IBTK: variants seen among roughly 807,000 people sequenced by gnomAD.
IBTK encodes the protein BTK-binding protein.
In IBTK, 83 loss-of-function variants were observed where a neutral mutation model predicts 154.9. The ratio of observed to expected loss-of-function variants is 0.54; its 90% confidence interval spans 0.45 to 0.64. IBTK has a LOEUF of 0.64. Among genes scored for constraint, IBTK ranks in the 30% least tolerant of loss-of-function variants. The probability of loss-of-function intolerance (pLI) is 0.00; values close to 1 mark genes in which losing one functional copy is unlikely to be tolerated. For synonymous variants in IBTK, 515 were observed against 536.1 expected (o/e 0.96, Z 0.54); for missense variants, 1,332 against 1,584.6 (o/e 0.84, Z 2.71).
At chr6:82,193,744 C>T (rs1028572660) in intron 23 of IBTK, among the ~76,000 whole-genome samples, 3 of 151,996 alleles carry the variant, frequency 2.0e-5, no homozygotes, top group East Asian at 1.9e-4. Flanking sequence ...TGCAGTGGCG[C>T]GATCTGGGCT....
chr6:82,180,098 A>C (rs1483843033), intron 26 of IBTK, among the ~76,000 whole-genome samples: 1 of 123,426 alleles, frequency 8.1e-6, no homozygotes, highest in African/African-American at 3.0e-5. Context: ...CAAAGCTCAT[A>C]ATCAATAAAT....
At chr6:82,184,311 C>T (rs1009091809) in intron 25 of IBTK, among the ~76,000 whole-genome samples, 1 of 151,994 alleles carries the variant, frequency 6.6e-6, no homozygotes, top group Non-Finnish European at 1.5e-5. Context: ...GCAAAAGAAG[C>T]CCTGTAATTT....
chr6:82,204,380 T>C (rs1769320729), intron 17 of IBTK, among the ~76,000 whole-genome samples: 3 of 152,102 alleles, frequency 2.0e-5, no homozygotes, highest in Non-Finnish European at 4.4e-5. Flanking sequence ...AGGATAGCCA[T>C]GAAATTAACT....
At chr6:82,245,180 G>A (rs1771097952) in intron 1 of IBTK, among the ~76,000 whole-genome samples, 1 of 152,134 alleles carries the variant, frequency 6.6e-6, no homozygotes, top group African/African-American at 2.4e-5. Context: ...GATAAAACAA[G>A]TGACACATAG....
intron 4 of IBTK, 119 bp downstream of exon 4, chr6:82,231,599 C>A: frequency 1.6e-6 from 1 of 639,880 alleles, no homozygotes; most frequent in Non-Finnish European, 2.5e-6. Flanking sequence ...GATTGATTTC[C>A]TCATTAAAAT....
Position 82,240,112 on chromosome 6 carries a change from TA to T in IBTK, c.321+53del. 4 of 1,463,696 alleles carry T rather than the reference TA, an allele frequency of 2.7e-6. No individual in the cohort carries two copies. The South Asian group carries it at 5.2e-5, about 19-fold the overall frequency. The allele number at this position is 1,463,696 out of a possible 1,614,324, so 90.7% of individuals were successfully genotyped here. A position where few individuals can be genotyped will look rare whatever the true frequency, so the allele number is the denominator to read the frequency against. On this transcript the variant is annotated intron_variant, in intron 2 of 28. Transcript: ENST00000306270. ...AGCATGTAGGATGTATGAAAATGAT[TA>T]AGAAAAACATATTCCAGACTAAATA... is the stretch of plus-strand genomic sequence containing the variant.
chr6:82,199,271 T>C (rs1185567355), intron 21 of IBTK, among the ~76,000 whole-genome samples: 1 of 151,892 alleles, frequency 6.6e-6, no homozygotes, highest in Non-Finnish European at 1.5e-5. Flanking sequence ...GTGTAACACA[T>C]GGAGGAAAGA....
At chr6:82,229,141 T>C (rs1385962216) in intron 4 of IBTK, among the ~76,000 whole-genome samples, 1 of 152,096 alleles carries the variant, frequency 6.6e-6, no homozygotes, top group Non-Finnish European at 1.5e-5. Flanking sequence ...TGACTGAAAT[T>C]TATACTGATT....
chr6:82,195,263 TCTATC>T (rs1237649723), intron 22 of IBTK, among the ~76,000 whole-genome samples: 1 of 151,918 alleles, frequency 6.6e-6, no homozygotes, highest in Non-Finnish European at 1.5e-5. Context: ...CCCCCAAACT[TCTATC>T]CTATATTTTA....
At chr6:82,242,870 G>A (rs888279240) in intron 1 of IBTK, among the ~76,000 whole-genome samples, 2 of 151,796 alleles carry the variant, frequency 1.3e-5, no homozygotes, top group African/African-American at 2.4e-5. Context: ...CCAGGAGGTG[G>A]AGGCTGCAGT....
intron 1 of IBTK, among the ~76,000 whole-genome samples, chr6:82,241,608 A>T (rs536955737): frequency 6.6e-6 from 1 of 152,382 alleles, no homozygotes; most frequent in East Asian, 1.9e-4. Context: ...AAAGCACTGG[A>T]TGAAAATACA....
At chr6:82,202,463 A>G in intron 18 of IBTK, 65 bp downstream of exon 18, 1 of 843,138 alleles carries the variant, frequency 1.2e-6, no homozygotes, top group Non-Finnish European at 2.0e-6. Flanking sequence ...ATCACTAATA[A>G]TATCTGCTAT....
At chr6:82,197,072 C>T (rs947409040) in intron 21 of IBTK, among the ~76,000 whole-genome samples, 1 of 152,172 alleles carries the variant, frequency 6.6e-6, no homozygotes, top group African/African-American at 2.4e-5. Context: ...AAGCTAAATG[C>T]CTGGCCTCAT....
intron 1 of IBTK, among the ~76,000 whole-genome samples, chr6:82,246,758 G>C (rs748198711): frequency 6.6e-6 from 1 of 152,198 alleles, no homozygotes; most frequent in Non-Finnish European, 1.5e-5. Flanking sequence ...AAAGAGAAAT[G>C]ATCAAGAGGG....
chr6:82,211,588 T>G lies in IBTK; in HGVS notation c.2292-16A>C. 1 of 1,596,320 alleles carries G rather than the reference T, an allele frequency of 6.3e-7. No homozygotes were observed. Among genetic ancestry groups the G allele is most frequent in the Non-Finnish European group, 8.6e-7 (1 of 1,164,150 alleles). On this transcript the variant is annotated splice_polypyrimidine_tract_variant and intron_variant, in intron 13 of 28. Coordinates refer to ENST00000306270, the MANE Select transcript of IBTK (RefSeq NM_015525.4). Reference sequence around the variant, plus strand: ...CAGAAATGAACTGCAAGAAAATGTTTAATTGAAGCAAGAGCAATTTCTTTA... The same window carrying G: ...CAGAAATGAACTGCAAGAAAATGTTGAATTGAAGCAAGAGCAATTTCTTTA...
At chr6:82,231,291 T>A (rs937412867) in intron 4 of IBTK, among the ~76,000 whole-genome samples, 6 of 149,198 alleles carry the variant, frequency 4.0e-5, no homozygotes, top group Non-Finnish European at 7.4e-5. Flanking sequence ...TAAATTGAAA[T>A]TATTTTATTT....
chr6:82,231,824 G>A lies in IBTK; in HGVS notation c.437C>T (p.Thr146Ile). 1.9e-6 allele frequency: 3 copies of A among 1,583,958 alleles called. No homozygotes were observed. The highest frequency in any genetic ancestry group is 2.6e-6 in the Non-Finnish European group (3 of 1,157,494). The stretch of plus-strand genomic sequence containing the variant: ...GGTAAAATTTGTATTATCGCCCCAA[G>A]TATAAACATCTGTAGGATCTAAAAT... ...FKNTDPTDVY[T>I]WGDNTNFTLG... The change falls in exon 4 of 29, where the codon ACT (threonine) becomes ATT (isoleucine). Residue 146 changes from threonine to isoleucine, a missense_variant. By Grantham distance (89) the Thr-to-Ile change is moderately conservative (BLOSUM62 -1). Transcript: ENST00000306270.
intron 10 of IBTK, 100 bp from the exon 11 acceptor site, chr6:82,216,350 A>ATTTC: frequency 3.9e-6 from 3 of 764,738 alleles, no homozygotes; most frequent in Non-Finnish European, 6.2e-6. Flanking sequence ...AAAAATATGG[A>ATTTC]AATCTTTTTC....
rs1430921071 is a variant in IBTK, at chr6:82,191,224, T to A, written c.3432-8A>T. On this transcript the variant is annotated splice_polypyrimidine_tract_variant and splice_region_variant and intron_variant, in intron 24 of 28. Coordinates refer to ENST00000306270, the MANE Select transcript of IBTK (RefSeq NM_015525.4). ...CCATGAGAAACTGTTTTGCTAGAAA[T>A]TAAACCAATTAGTTTCAGTGGTTTC... 1 of 1,598,094 alleles carries A rather than the reference T, an allele frequency of 6.3e-7. No individual in the cohort carries two copies. Among genetic ancestry groups the A allele is most frequent in the Non-Finnish European group, 8.5e-7 (1 of 1,175,120 alleles).
Sources: gnomAD v4.1 joint callset for allele counts (sites outside exome capture counted in the v4.1 genomes callset) on GRCh38, gnomAD v4.1.1 for gene constraint, MANE v1.5 for transcripts, NCBI Gene and HGNC (gene_info 2026-07-23, HGNC 2026-07-21) for gene names.